CLIC5: variants seen among roughly 807,000 people sequenced by gnomAD.
CLIC5 encodes chloride intracellular channel protein 5.
A neutral mutation model predicts 24.7 loss-of-function variants in CLIC5; 20 were observed. The observed-to-expected ratio is 0.81, with a 90% CI of 0.57 to 1.18. The LOEUF (loss-of-function observed/expected upper bound fraction) is 1.18, where lower values mean the gene tolerates loss of function less well. CLIC5 is among the 50% of genes most tolerant of loss of function. CLIC5 has a pLI of 0.00. For synonymous variants in CLIC5, 159 were observed against 135.6 expected (o/e 1.17, Z -1.20); for missense variants, 341 against 326.1 (o/e 1.05, Z -0.35).
chr6:46,000,318 T>C (rs538130888), intron 1 of CLIC5, among the ~76,000 whole-genome samples: 8 of 152,286 alleles, frequency 5.3e-5, no homozygotes, highest in African/African-American at 1.9e-4. Context: ...ATACTGTGTA[T>C]GTCTGTGTAA....
chr6:46,095,210 G>A, the CLIC5 span, among the ~76,000 whole-genome samples: 97 of 152,276 alleles, frequency 6.4e-4, no homozygotes, highest in African/African-American at 2.1e-3. Flanking sequence ...GTGATGGGAC[G>A]GGCTGCCATA....
At chr6:46,044,741 G>T (rs1264994040) in intron 1 of CLIC5, among the ~76,000 whole-genome samples, 1 of 152,146 alleles carries the variant, frequency 6.6e-6, no homozygotes, top group African/African-American at 2.4e-5. Context: ...AGATGAAAAA[G>T]AATGCATATT....
At chr6:46,007,920 T>TC (rs1054460747) in intron 1 of CLIC5, among the ~76,000 whole-genome samples, 5 of 151,312 alleles carry the variant, frequency 3.3e-5, no homozygotes, top group Non-Finnish European at 7.4e-5. Context: ...TTTTTCTTTT[T>TC]TTTTTTTTCC....
chr6:45,977,402 A>C (rs1386519309), intron 1 of CLIC5, among the ~76,000 whole-genome samples: 1 of 152,206 alleles, frequency 6.6e-6, no homozygotes, highest in Non-Finnish European at 1.5e-5. Context: ...TATTTCAACA[A>C]ACCCCCCAGA....
At chr6:46,097,230 A>G in the CLIC5 span, 221 of 152,374 alleles carry the variant, frequency 1.5e-3, no homozygotes, top group African/African-American at 5.1e-3. Context: ...GGATGGATGG[A>G]TGACTAGATA....
At chr6:45,980,695 A>T (rs1765540175) in intron 1 of CLIC5, among the ~76,000 whole-genome samples, 1 of 152,024 alleles carries the variant, frequency 6.6e-6, no homozygotes, top group Non-Finnish European at 1.5e-5. Context: ...CGGTTGTATA[A>T]TTCCAATAAT....
chr6:46,126,493 A>AT, the CLIC5 span, among the ~76,000 whole-genome samples: 1,307 of 152,318 alleles, frequency 8.6e-3, 67 homozygotes, highest in Admixed American at 0.078. Flanking sequence ...ATACAGAATC[A>AT]TTTTTTAAAG....
intron 1 of CLIC5, among the ~76,000 whole-genome samples, chr6:45,992,318 G>A (rs765411193): frequency 1.3e-5 from 2 of 152,228 alleles, no homozygotes; most frequent in African/African-American, 4.8e-5. Flanking sequence ...CTAACAGGCA[G>A]CCTTTCCAGA....
intron 1 of CLIC5, among the ~76,000 whole-genome samples, chr6:46,012,088 C>T (rs1766828845): frequency 6.6e-6 from 1 of 152,226 alleles, no homozygotes; most frequent in African/African-American, 2.4e-5. Context: ...AGAATGACCA[C>T]ACATCCTTAT....
At chr6:46,014,224 T>TCACG (rs1379214871) in intron 1 of CLIC5, 1 of 152,220 alleles carries the variant, frequency 6.6e-6, no homozygotes, top group Non-Finnish European at 1.5e-5. Flanking sequence ...CGGAGACAGA[T>TCACG]CACGTACCAA....
intron 5 of CLIC5, among the ~76,000 whole-genome samples, chr6:45,913,520 C>A (rs2127308517): frequency 6.6e-6 from 1 of 152,304 alleles, no homozygotes; most frequent in Non-Finnish European, 1.5e-5. Context: ...GCTCCTCGTT[C>A]TCAGAGGCTG....
chr6:45,904,569 C>A (rs1337826704), intron 5 of CLIC5, among the ~76,000 whole-genome samples: 2 of 133,950 alleles, frequency 1.5e-5, no homozygotes, highest in Non-Finnish European at 3.1e-5. Context: ...CCTCCTCTAG[C>A]CCTTCCAGGC....
chr6:46,108,391 T>TGAGA, the CLIC5 span, among the ~76,000 whole-genome samples: 9 of 144,208 alleles, frequency 6.2e-5, no homozygotes, highest in South Asian at 4.8e-4. Flanking sequence ...TGTGTGTGTG[T>TGAGA]GTGTGTGTGT....
chr6:46,015,407 G>T (rs1766963950), intron 1 of CLIC5, 73 bp downstream of exon 1: 4 of 1,407,324 alleles, frequency 2.8e-6, no homozygotes, highest in Non-Finnish European at 3.8e-6. Flanking sequence ...GGAGTCCAGC[G>T]CACCCCGAGC....
rs116624528 is a variant in CLIC5, at chr6:45,899,865, C to A, written c.*3223G>T. 6.6e-6 allele frequency: 1 copy of A among 152,198 alleles called. No homozygotes were observed. Among genetic ancestry groups the A allele is most frequent in the South Asian group, 2.1e-4 (1 of 4,834 alleles). The allele number at this position is 152,198 out of a possible 1,614,324, so 9.4% of individuals were successfully genotyped here. ...TCCCAAGATAAAACTAGTTTGGGAT[C>A]GTGTGGCCAAATAAGCTGATGGACT... is the stretch of plus-strand genomic sequence containing the variant. On this transcript the variant is annotated 3_prime_UTR_variant, in exon 6 of 6. Coordinates refer to ENST00000339561, the MANE Select transcript of CLIC5 (RefSeq NM_016929.5).
intron 4 of CLIC5, among the ~76,000 whole-genome samples, chr6:45,934,967 A>G (rs1296636720): frequency 6.6e-6 from 1 of 152,256 alleles, no homozygotes; most frequent in Non-Finnish European, 1.5e-5. Context: ...AGAACATGAA[A>G]TAAATCATGT....
At chr6:45,896,531 C>T (rs1303926837), downstream of CLIC5, among the ~76,000 whole-genome samples, 2 of 152,216 alleles carry the variant, frequency 1.3e-5, no homozygotes, top group Admixed American at 1.3e-4. Context: ...CAGTCTAATA[C>T]TCCATGCCTT....
upstream of CLIC5, among the ~76,000 whole-genome samples, chr6:46,081,437 T>C (rs1735144843): frequency 6.6e-6 from 1 of 152,212 alleles, no homozygotes; most frequent in Non-Finnish European, 1.5e-5. Context: ...AAAACTTCGT[T>C]GTACTCTTAG....
At chr6:46,095,748 C>T in the CLIC5 span, among the ~76,000 whole-genome samples, 3 of 152,208 alleles carry the variant, frequency 2.0e-5, no homozygotes, top group East Asian at 1.9e-4. Context: ...AACTTTCCCC[C>T]GTCTTCCTAT....
Sources: gnomAD v4.1 joint callset for allele counts (sites outside exome capture counted in the v4.1 genomes callset) on GRCh38, gnomAD v4.1.1 for gene constraint, MANE v1.5 for transcripts, NCBI Gene and HGNC (gene_info 2026-07-23, HGNC 2026-07-21) for gene names.